ARB2A: variants seen among roughly 807,000 people sequenced by gnomAD.
The protein encoded by ARB2A is ARB2 cotranscriptional regulator A.
chr5:93,669,989 C>T, the ARB2A span, among the ~76,000 whole-genome samples: 1 of 152,096 alleles, frequency 6.6e-6, no homozygotes, highest in East Asian at 1.9e-4. Flanking sequence ...CCAATTTTCC[C>T]TCCCAAACCT....
At chr5:93,964,002 A>T in the ARB2A span, among the ~76,000 whole-genome samples, 1 of 152,038 alleles carries the variant, frequency 6.6e-6, no homozygotes, top group Admixed American at 6.6e-5. Context: ...AACAGGAAGC[A>T]CCAGGAATGA....
At chr5:94,051,539 A>C in the ARB2A span, among the ~76,000 whole-genome samples, 2 of 152,200 alleles carry the variant, frequency 1.3e-5, no homozygotes, top group African/African-American at 4.8e-5. Context: ...AGGCAGGGAG[A>C]AGTCTGCAGC....
chr5:94,106,188 AACAG>A, the ARB2A span, among the ~76,000 whole-genome samples: 4 of 152,138 alleles, frequency 2.6e-5, no homozygotes, highest in Non-Finnish European at 5.9e-5. Context: ...CAACACAGTA[AACAG>A]ACAACCTACA....
At chr5:93,932,464 A>G in the ARB2A span, among the ~76,000 whole-genome samples, 1 of 152,224 alleles carries the variant, frequency 6.6e-6, no homozygotes, top group Non-Finnish European at 1.5e-5. Context: ...GATGATGAAC[A>G]CTGTTTAAAA....
the ARB2A span, chr5:93,860,791 A>T: frequency 6.6e-6 from 1 of 151,986 alleles, no homozygotes; most frequent in African/African-American, 2.4e-5. Flanking sequence ...AGTAGCTGGG[A>T]CTATAGGCGC....
the ARB2A span, among the ~76,000 whole-genome samples, chr5:93,767,886 C>T: frequency 4.2e-5 from 6 of 143,694 alleles, no homozygotes; most frequent in Admixed American, 2.9e-4. Flanking sequence ...CCCAGCTACT[C>T]GGGAGGCTGA....
chr5:94,032,880 GC>G, the ARB2A span, among the ~76,000 whole-genome samples: 4 of 152,180 alleles, frequency 2.6e-5, no homozygotes, highest in Non-Finnish European at 5.9e-5. Context: ...TAAAGGTTAG[GC>G]TTTGTGTCCC....
chr5:93,967,141 A>T, the ARB2A span, among the ~76,000 whole-genome samples: 1 of 152,164 alleles, frequency 6.6e-6, no homozygotes, highest in South Asian at 2.1e-4. Flanking sequence ...AAAATGAAAA[A>T]GATAATTTCA....
chr5:93,984,760 T>C, the ARB2A span, among the ~76,000 whole-genome samples: 1 of 152,178 alleles, frequency 6.6e-6, no homozygotes, highest in Admixed American at 6.5e-5. Context: ...CATTGTAGCA[T>C]AAACCACAAT....
the ARB2A span, among the ~76,000 whole-genome samples, chr5:93,926,079 G>C: frequency 6.3e-4 from 95 of 151,612 alleles, no homozygotes; most frequent in South Asian, 8.3e-4. Flanking sequence ...TGTACTCTAT[G>C]ATATGAATGG....
the ARB2A span, among the ~76,000 whole-genome samples, chr5:93,940,379 T>C: frequency 6.6e-6 from 1 of 152,060 alleles, no homozygotes; most frequent in Non-Finnish European, 1.5e-5. Context: ...AACACTGTTA[T>C]GTTACTATCC....
At chr5:93,928,833 C>T in the ARB2A span, among the ~76,000 whole-genome samples, 1 of 151,934 alleles carries the variant, frequency 6.6e-6, no homozygotes, top group African/African-American at 2.4e-5. Context: ...CCAATAAAAA[C>T]TGTTGATGGG....
At chr5:94,079,244 T>C in the ARB2A span, among the ~76,000 whole-genome samples, 2 of 152,244 alleles carry the variant, frequency 1.3e-5, no homozygotes, top group African/African-American at 4.8e-5. Flanking sequence ...TTAAAATGCA[T>C]GCTTGAACAA....
chr5:93,635,459 G>GTTTTTTTTTTTTTTTTTTTTTTTTT, the ARB2A span, among the ~76,000 whole-genome samples: 16 of 128,912 alleles, frequency 1.2e-4, 1 homozygote, highest in African/African-American at 4.7e-4. Flanking sequence ...TTATACGAAA[G>GTTTTTTTTTTTTTTTTTTTTTTTTT]TTTTTTTTTT....
chr5:93,779,230 GAAATA>G, the ARB2A span, among the ~76,000 whole-genome samples: 2 of 151,990 alleles, frequency 1.3e-5, no homozygotes, highest in African/African-American at 4.8e-5. Flanking sequence ...AGAGCATAAT[GAAATA>G]AAATAAACAT....
chr5:93,855,149 G>T, the ARB2A span, among the ~76,000 whole-genome samples: 19 of 151,842 alleles, frequency 1.3e-4, 1 homozygote, highest in East Asian at 2.7e-3. Flanking sequence ...CTCCTGTATT[G>T]GGTGCATATA....
the ARB2A span, among the ~76,000 whole-genome samples, chr5:93,747,166 A>C: frequency 6.6e-6 from 1 of 152,176 alleles, no homozygotes; most frequent in Non-Finnish European, 1.5e-5. Context: ...GAAACTAGTA[A>C]TCATAATGTG....
the ARB2A span, chr5:93,805,773 T>G: frequency 9.0e-5 from 89 of 985,068 alleles, no homozygotes; most frequent in Non-Finnish European, 1.1e-4. Flanking sequence ...CACTTGCATT[T>G]GGGGTTGTCG....
At chr5:93,851,928 C>T in the ARB2A span, among the ~76,000 whole-genome samples, 1 of 152,268 alleles carries the variant, frequency 6.6e-6, no homozygotes, top group Non-Finnish European at 1.5e-5. Flanking sequence ...GTGCATGTGT[C>T]TTTATAGCAG....
Sources: allele counts gnomAD v4.1 joint callset (sites outside exome capture counted in the v4.1 genomes callset), GRCh38; gene constraint gnomAD v4.1.1; transcripts MANE v1.5; gene names NCBI Gene and HGNC (gene_info 2026-07-23, HGNC 2026-07-21).